PDSS2: variants seen among roughly 807,000 people sequenced by gnomAD.
PDSS2 encodes the protein all trans-polyprenyl-diphosphate synthase PDSS2.
PDSS2 carries 31 observed loss-of-function variants against 44.5 expected under a neutral mutation model. That is an observed-to-expected ratio of 0.70 (90% CI 0.52 to 0.94). PDSS2 has a LOEUF of 0.94. Among genes scored for constraint, PDSS2 ranks in the 40% least tolerant of loss-of-function variants. PDSS2 has a pLI of 0.00. For missense variants in PDSS2, 452 were observed against 482.2 expected (o/e 0.94, Z 0.59); for synonymous variants, 157 against 180.3 (o/e 0.87, Z 1.03).
intron 1 of PDSS2, among the ~76,000 whole-genome samples, chr6:107,366,463 A>G (rs1391742328): frequency 1.3e-5 from 2 of 152,062 alleles, no homozygotes; most frequent in Admixed American, 6.5e-5. Flanking sequence ...GAAACTAGAT[A>G]AAGAGCAAAC....
chr6:107,276,419 G>A (rs370231416), intron 2 of PDSS2, among the ~76,000 whole-genome samples: 3 of 152,120 alleles, frequency 2.0e-5, no homozygotes, highest in Non-Finnish European at 2.9e-5. Flanking sequence ...TGTGTGGTTG[G>A]GGGGAGGGTG....
chr6:107,421,614 A>G (rs1452829229), intron 1 of PDSS2, among the ~76,000 whole-genome samples: 1 of 152,022 alleles, frequency 6.6e-6, no homozygotes, highest in Non-Finnish European at 1.5e-5. Flanking sequence ...CATTTCTATA[A>G]CATTTCAAAA....
intron 1 of PDSS2, among the ~76,000 whole-genome samples, chr6:107,413,237 C>T (rs1394031035): frequency 2.0e-5 from 3 of 152,104 alleles, no homozygotes; most frequent in Admixed American, 2.0e-4. Context: ...GTCTCAATTT[C>T]CCAATTAAGA....
intron 6 of PDSS2, among the ~76,000 whole-genome samples, chr6:107,208,285 CTT>C (rs1164014672): frequency 0.046 from 2,447 of 53,136 alleles, 62 homozygotes; most frequent in Middle Eastern, 0.059. Context: ...CATGCCTGGC[CTT>C]TTTTTTTTTT....
Position 107,274,068 on chromosome 6 carries a change from T to C in PDSS2, c.591A>G (p.Ala197=). 6.2e-7 allele frequency: 1 copy of C among 1,614,160 alleles called. No individual in the cohort carries two copies. The highest frequency in any genetic ancestry group is 8.5e-7 in the Non-Finnish European group (1 of 1,179,998). ...GCAGAGCTAGTCCATTGCAGGCATTTGCTAGAAGAAAGTCTCCACTCAGGA... is the reference window on the plus strand; with the variant it reads ...GCAGAGCTAGTCCATTGCAGGCATTCGCTAGAAGAAAGTCTCCACTCAGGA... ...IAILSGDFLL[A]NACNGLALLQ... Residue 197 remains alanine, a synonymous_variant, in exon 3 of 8, where the codon GCA becomes GCG. Coordinates refer to ENST00000369037, the MANE Select transcript of PDSS2 (RefSeq NM_020381.4).
At chr6:107,429,901 A>ATATATAT (rs1554280467) in intron 1 of PDSS2, among the ~76,000 whole-genome samples, 4 of 31,822 alleles carry the variant, frequency 1.3e-4, no homozygotes, top group Non-Finnish European at 2.1e-4. Flanking sequence ...AAAAAAAAAA[A>ATATATAT]ATATATATAT....
In PDSS2 at chr6:107,435,334, T is replaced by C. The variant is rs1457176038; in HGVS notation, c.296+23656A>G. Among the ~76,000 whole-genome samples, 3 of 143,236 alleles carry C rather than the reference T, an allele frequency of 2.1e-5. No homozygotes were observed. The South Asian group carries it at 6.8e-4, about 33-fold the overall frequency. 94.0% of individuals were successfully genotyped at this position (143,236 alleles called of 152,430 possible). On this transcript the variant is annotated intron_variant, in intron 1 of 7. Transcript: ENST00000369037. ...CACACACACACACACACACACACGA[T>C]TAAAATGACCTCCTTTTTGTGTACT...
intron 1 of PDSS2, among the ~76,000 whole-genome samples, chr6:107,403,914 A>G (rs1181083718): frequency 1.3e-5 from 2 of 152,200 alleles, no homozygotes; most frequent in Non-Finnish European, 2.9e-5. Context: ...TGTTTTGGCA[A>G]TTAGCATTTG....
chr6:107,153,830 C>T lies in PDSS2; in HGVS notation c.*789G>A, dbSNP rs1018727292. 1 of 152,418 alleles carries T rather than the reference C, an allele frequency of 6.6e-6. No individual in the cohort carries two copies. Among genetic ancestry groups the T allele is most frequent in the East Asian group, 1.9e-4 (1 of 5,204 alleles). The allele number at this position is 152,418 out of a possible 1,614,324, so 9.4% of individuals were successfully genotyped here. On this transcript the variant is annotated 3_prime_UTR_variant, in exon 8 of 8. Coordinates refer to ENST00000369037, the MANE Select transcript of PDSS2 (RefSeq NM_020381.4). ...GTGGCTCAAGCCTCTAATCCCAGCA[C>T]TTTGGGAGGCCGAGGCAGGCGGATC...
At chr6:107,169,176 A>C (rs9480746) in intron 7 of PDSS2, among the ~76,000 whole-genome samples, 105,431 of 151,676 alleles carry the variant, frequency 0.7, 36,986 homozygotes, top group African/African-American at 0.74. Flanking sequence ...TTGTTTGTTT[A>C]TTTTTCCTCT....
chr6:107,313,944 C>T (rs73511155), intron 2 of PDSS2, among the ~76,000 whole-genome samples: 2,986 of 152,000 alleles, frequency 0.02, 100 homozygotes, highest in African/African-American at 0.069. Flanking sequence ...GGAGGACAGG[C>T]GTTCAAGACC....
chr6:107,373,366 TTAAA>T lies in PDSS2; in HGVS notation c.297-39038_297-39035del, dbSNP rs113225565. Among the ~76,000 whole-genome samples the T allele has an allele frequency of 9.6e-3, 1,457 of 152,310 alleles. 22 individuals are homozygous for T. The highest frequency in any genetic ancestry group is 0.03 in the African/African-American group (1,253 of 41,568). On this transcript the variant is annotated intron_variant, in intron 1 of 7. Transcript: ENST00000369037. ...AGAGTAAAAATCGGCCTCCAAAAGT[TTAAA>T]TAAATAGAGCTAACTTAAGAAAATA...
chr6:107,295,677 C>T (rs959252404), intron 2 of PDSS2, among the ~76,000 whole-genome samples: 1 of 152,176 alleles, frequency 6.6e-6, no homozygotes, highest in Non-Finnish European at 1.5e-5. Context: ...TGAATCCATG[C>T]TCCTTCCATT....
At chr6:107,375,391 T>C (rs553587489) in intron 1 of PDSS2, among the ~76,000 whole-genome samples, 22 of 152,250 alleles carry the variant, frequency 1.4e-4, no homozygotes, top group African/African-American at 3.4e-4. Flanking sequence ...AATGAAGGGA[T>C]AGGACTCTGC....
At chr6:107,334,895 G>C (rs1777834420) in intron 1 of PDSS2, among the ~76,000 whole-genome samples, 1 of 151,946 alleles carries the variant, frequency 6.6e-6, no homozygotes, top group Non-Finnish European at 1.5e-5. Context: ...AGTGGCTCAG[G>C]TCTGTAATCC....
At chr6:107,437,908 A>G (rs1184992254) in intron 1 of PDSS2, among the ~76,000 whole-genome samples, 2 of 152,190 alleles carry the variant, frequency 1.3e-5, no homozygotes, top group African/African-American at 4.8e-5. Context: ...CATGACAATC[A>G]TTACTAATCA....
At chr6:107,214,623 A>G (rs1357201738) in intron 4 of PDSS2, among the ~76,000 whole-genome samples, 1 of 152,176 alleles carries the variant, frequency 6.6e-6, no homozygotes, top group African/African-American at 2.4e-5. Context: ...CCTGCTCCTG[A>G]TCCTATAATC....
chr6:107,459,367 C>T lies in PDSS2; in HGVS notation c.-82G>A, dbSNP rs886060930. 4.0e-5 allele frequency: 48 copies of T among 1,185,912 alleles called. No individual in the cohort carries two copies. Among genetic ancestry groups the T allele is most frequent in the Non-Finnish European group, 5.8e-5 (47 of 809,498 alleles). The allele number at this position is 1,185,912 out of a possible 1,614,324, so 73.5% of individuals were successfully genotyped here. ...AAACCAGGGGCAGAGGAGGAACTTA[C>T]AGTAACTAAAAGGAAGCGGCAATTC... On this transcript the variant is annotated 5_prime_UTR_variant, in exon 1 of 8. Transcript: ENST00000369037. The surrounding 1 kb of genome is among the most constrained non-coding windows in gnomAD (Gnocchi z 4.3).
intron 7 of PDSS2, among the ~76,000 whole-genome samples, chr6:107,163,123 A>AT (rs1404753877): frequency 1.3e-5 from 2 of 152,208 alleles, no homozygotes; most frequent in Non-Finnish European, 2.9e-5. Flanking sequence ...TACATTCTAC[A>AT]TTCCCCTGAC....
Sources: allele counts gnomAD v4.1 joint callset (sites outside exome capture counted in the v4.1 genomes callset), GRCh38; gene constraint gnomAD v4.1.1; non-coding constraint Gnocchi (gnomAD v3.1); transcripts MANE v1.5; gene names NCBI Gene and HGNC (gene_info 2026-07-23, HGNC 2026-07-21).